INPP4B: variants seen among roughly 807,000 people sequenced by gnomAD.
The protein encoded by INPP4B is inositol polyphosphate-4-phosphatase type II B.
Under a neutral mutation model 122.5 loss-of-function variants are expected in INPP4B, and 55 were observed. The ratio of observed to expected loss-of-function variants is 0.45; its 90% CI spans 0.36 to 0.56. INPP4B has a LOEUF of 0.56. INPP4B is among the 20% of genes least tolerant of loss of function. The pLI, the probability that INPP4B is intolerant of heterozygous loss-of-function variation, is 0.00. For synonymous variants in INPP4B, 403 were observed against 388.7 expected (o/e 1.04, Z -0.43); for missense variants, 1,000 against 1,097.7 (o/e 0.91, Z 1.26).
chr4:142,620,839 A>T (rs928172485), intron 2 of INPP4B, among the ~76,000 whole-genome samples: 1 of 151,796 alleles, frequency 6.6e-6, no homozygotes, highest in African/African-American at 2.4e-5. Flanking sequence ...TAACCATTTA[A>T]TTTTTTTCAA....
chr4:142,681,001 T>A (rs1758538922), intron 2 of INPP4B, among the ~76,000 whole-genome samples: 1 of 151,868 alleles, frequency 6.6e-6, no homozygotes, highest in African/African-American at 2.4e-5. Context: ...TAAATTCTCT[T>A]GAGGAAACCC....
At chr4:142,676,539 C>T (rs1384426609) in intron 2 of INPP4B, among the ~76,000 whole-genome samples, 2 of 152,026 alleles carry the variant, frequency 1.3e-5, no homozygotes, top group Non-Finnish European at 2.9e-5. Flanking sequence ...CCAAGACAAT[C>T]CTAAGTAAAA....
At chr4:142,675,565 T>A (rs1250379945) in intron 2 of INPP4B, among the ~76,000 whole-genome samples, 3 of 152,178 alleles carry the variant, frequency 2.0e-5, no homozygotes, top group East Asian at 3.8e-4. Context: ...TTCAGGCCAA[T>A]ATCCCTGATG....
At chr4:142,576,718 T>C (rs1448611999) in intron 2 of INPP4B, among the ~76,000 whole-genome samples, 1 of 151,982 alleles carries the variant, frequency 6.6e-6, no homozygotes, top group Non-Finnish European at 1.5e-5. Context: ...CTACAACTTA[T>C]CATCTGATCC....
rs987129286 is a variant in INPP4B, at chr4:142,457,133, T to C, written c.-127+5530A>G. 6.6e-5 allele frequency among the ~76,000 whole-genome samples: 10 copies of C among 151,980 alleles called. No homozygotes were observed. The East Asian group carries it at 1.7e-3, about 26-fold the overall frequency. On this transcript the variant is annotated intron_variant, in intron 3 of 25. Coordinates refer to ENST00000262992, the MANE Select transcript of INPP4B (RefSeq NM_001101669.3). Reference sequence around the variant, plus strand: ...AAAACACATTTCAGACCTTATACAATCAACTCACTATTAATAATCTAATTG... The same window carrying C: ...AAAACACATTTCAGACCTTATACAACCAACTCACTATTAATAATCTAATTG...
intron 16 of INPP4B, among the ~76,000 whole-genome samples, chr4:142,168,863 A>T (rs538125501): frequency 6.6e-6 from 1 of 151,632 alleles, no homozygotes; most frequent in Non-Finnish European, 1.5e-5. Flanking sequence ...CCCAAACTCT[A>T]ATCTCTGTCT....
chr4:142,156,325 A>C (rs929354387), intron 17 of INPP4B, among the ~76,000 whole-genome samples: 2 of 152,122 alleles, frequency 1.3e-5, no homozygotes, highest in Non-Finnish European at 2.9e-5. Context: ...AGAATTTCAG[A>C]ATTATTAGAA....
chr4:142,832,028 G>T (rs1782203906), intron 1 of INPP4B, among the ~76,000 whole-genome samples: 1 of 152,136 alleles, frequency 6.6e-6, no homozygotes, highest in Non-Finnish European at 1.5e-5. Flanking sequence ...TATCTTCTAA[G>T]ACAGCAGGAG....
At chr4:142,439,129 C>T (rs1040055999) in intron 3 of INPP4B, among the ~76,000 whole-genome samples, 3 of 152,146 alleles carry the variant, frequency 2.0e-5, no homozygotes, top group African/African-American at 7.2e-5. Flanking sequence ...CCATGTGCCT[C>T]CTAGATCGCT....
chr4:142,074,503 G>A (rs184553584), intron 25 of INPP4B, among the ~76,000 whole-genome samples: 75 of 152,160 alleles, frequency 4.9e-4, no homozygotes, highest in South Asian at 2.3e-3. Context: ...GCAGCATCTA[G>A]CAAAATTAAA....
At chr4:142,112,945 A>T (rs889116335) in intron 21 of INPP4B, among the ~76,000 whole-genome samples, 25 of 152,082 alleles carry the variant, frequency 1.6e-4, no homozygotes, top group Non-Finnish European at 2.9e-4. Context: ...TTGTACACCC[A>T]GGGTCATGTG....
intron 1 of INPP4B, among the ~76,000 whole-genome samples, chr4:142,841,839 G>A (rs895121784): frequency 3.3e-5 from 5 of 151,884 alleles, no homozygotes; most frequent in African/African-American, 9.7e-5. Context: ...AATTAAAGTT[G>A]TCTGTGTATC....
intron 16 of INPP4B, among the ~76,000 whole-genome samples, chr4:142,162,983 A>C (rs945076183): frequency 6.6e-6 from 1 of 151,908 alleles, no homozygotes; most frequent in Admixed American, 6.6e-5. Context: ...GTAACCTGAA[A>C]AAAATTTAAT....
chr4:142,741,127 G>A (rs1020953356), intron 1 of INPP4B, among the ~76,000 whole-genome samples: 1 of 151,962 alleles, frequency 6.6e-6, no homozygotes, highest in African/African-American at 2.4e-5. Flanking sequence ...TATAAAAAAG[G>A]AAATGTATTA....
chr4:142,636,134 C>T (rs1749109805), intron 2 of INPP4B, among the ~76,000 whole-genome samples: 1 of 152,064 alleles, frequency 6.6e-6, no homozygotes, highest in African/African-American at 2.4e-5. Flanking sequence ...TCACTCAGCA[C>T]CCATTCTGCC....
At chr4:142,728,615 CAA>C (rs1211446062) in intron 1 of INPP4B, among the ~76,000 whole-genome samples, 1 of 152,058 alleles carries the variant, frequency 6.6e-6, no homozygotes, top group Non-Finnish European at 1.5e-5. Context: ...CATGTGAACA[CAA>C]AGACACACAC....
chr4:142,292,869 T>C (rs1757012440), intron 9 of INPP4B, among the ~76,000 whole-genome samples: 1 of 152,186 alleles, frequency 6.6e-6, no homozygotes, highest in Non-Finnish European at 1.5e-5. Context: ...TCTTGTATAA[T>C]GTAATATATG....
At chr4:142,142,041 A>T (rs956863396) in intron 18 of INPP4B, among the ~76,000 whole-genome samples, 5 of 152,248 alleles carry the variant, frequency 3.3e-5, no homozygotes, top group Admixed American at 1.3e-4. Flanking sequence ...TACAACATGA[A>T]GAATAACATC....
intron 11 of INPP4B, among the ~76,000 whole-genome samples, chr4:142,253,699 G>T (rs532621553): frequency 9.8e-5 from 15 of 152,354 alleles, no homozygotes; most frequent in African/African-American, 3.4e-4. Flanking sequence ...GGCTCGGAGG[G>T]TCCTACGCCC....
Sources: allele counts gnomAD v4.1 joint callset (sites outside exome capture counted in the v4.1 genomes callset), GRCh38; gene constraint gnomAD v4.1.1; transcripts MANE v1.5; gene names NCBI Gene and HGNC (gene_info 2026-07-23, HGNC 2026-07-21).